Variants in ATP2B4 observed in about 807,000 individuals in gnomAD.
The protein encoded by ATP2B4 is ATPase plasma membrane Ca2+ transporting 4.
In ATP2B4, 39 loss-of-function variants were observed where a neutral mutation model predicts 110.3. The ratio of observed to expected loss-of-function variants is 0.35; its 90% CI spans 0.27 to 0.46. The LOEUF is 0.46. Among genes scored for constraint, ATP2B4 ranks in the 20% least tolerant of loss-of-function variants. ATP2B4 has a pLI of 1.00. For missense variants in ATP2B4, 1,135 were observed against 1,530.9 expected (o/e 0.74, Z 4.32); for synonymous variants, 538 against 571.7 (o/e 0.94, Z 0.84).
Position 203,676,321 on chromosome 1 carries a change from G to A in ATP2B4, c.-464-6421G>A, listed in dbSNP as rs572415478. On this transcript the variant is annotated intron_variant, in intron 1 of 20. Transcript: ENST00000357681. ...GACATGGGGAGGGGAGGAAGAACCC[G>A]GGATTGTGATGAGGATGGCTGCCAG... is the stretch of plus-strand genomic sequence containing the variant. Among the ~76,000 whole-genome samples the A allele has an allele frequency of 6.3e-4, 96 of 152,138 alleles. 1 individual carries two copies. The highest frequency in any genetic ancestry group is 7.4e-4 in the Non-Finnish European group (50 of 68,020).
chr1:203,727,406 A>C lies in ATP2B4; in HGVS notation c.3144A>C (p.Ala1048=), dbSNP rs776947100. 6.2e-7 allele frequency: 1 copy of C among 1,614,152 alleles called. No individual in the cohort carries two copies. Residue 1048 remains alanine (A), a synonymous_variant, in exon 20 of 21, where the codon GCA becomes GCC. Coordinates refer to ENST00000357681, the MANE Select transcript of ATP2B4 (RefSeq NM_001684.5). The part of the protein sequence containing the change: ...GELLWGQFIS[A]IPTRSLKFLK... Reference sequence around the variant, plus strand: ...GCGCTTGTTTTCAGTTCATCTCCGCAATACCTACCCGATCCCTGAAGTTCC... The same window carrying C: ...GCGCTTGTTTTCAGTTCATCTCCGCCATACCTACCCGATCCCTGAAGTTCC...
chr1:203,710,536 G>A (rs944139199), intron 11 of ATP2B4, among the ~76,000 whole-genome samples: 1 of 152,208 alleles, frequency 6.6e-6, no homozygotes, highest in African/African-American at 2.4e-5. Context: ...GCACCACACA[G>A]TGAGCACTAT....
intron 1 of ATP2B4, among the ~76,000 whole-genome samples, chr1:203,642,489 C>T (rs530072703): frequency 9.8e-5 from 15 of 152,288 alleles, no homozygotes; most frequent in African/African-American, 3.1e-4. Flanking sequence ...CTGACCTAAG[C>T]CATTTAGCCC....
chr1:203,634,548 A>G (rs893897188), intron 1 of ATP2B4, among the ~76,000 whole-genome samples: 7 of 152,232 alleles, frequency 4.6e-5, no homozygotes, highest in African/African-American at 7.2e-5. Flanking sequence ...GATTTAGTCT[A>G]GCGTTTAATG....
At position 203,743,044 on chromosome 1, in the gene ATP2B4, G is replaced by T. The variant is rs1387062403; in HGVS notation, c.*3190G>T. 2 of 152,684 alleles carry T rather than the reference G, an allele frequency of 1.3e-5. No homozygotes were observed. Among genetic ancestry groups the T allele is most frequent in the Non-Finnish European group, 2.9e-5 (2 of 68,060 alleles). The allele number at this position is 152,684 out of a possible 1,614,324, so 9.5% of individuals were successfully genotyped here. On this transcript the variant is annotated 3_prime_UTR_variant, in exon 21 of 21. Transcript: ENST00000357681. ...GAATGACTCTCCTGTCCCTAAAGGG[G>T]TTAAGAGAGAGATCACCTAGAAATC...
At chr1:203,719,792 T>TA (rs1243403248) in intron 15 of ATP2B4, among the ~76,000 whole-genome samples, 3 of 151,866 alleles carry the variant, frequency 2.0e-5, no homozygotes, top group Non-Finnish European at 4.4e-5. Flanking sequence ...AGATAAGTGA[T>TA]ACCATACCAT....
chr1:203,724,075 ACC>A, intron 19 of ATP2B4, 87 bp downstream of exon 19: 1 of 1,090,244 alleles, frequency 9.2e-7, no homozygotes, highest in Non-Finnish European at 1.3e-6. Context: ...AACGGTGGAG[ACC>A]CCCCAGCTCC....
rs1045539503 is a variant in ATP2B4, at chr1:203,740,579, G to A, written c.*725G>A. ...AATCCAACCAGTTTCTTTGTTAAAA[G>A]GGTCCTTTTGAAGCAATTAAGTGCT... On this transcript the variant is annotated 3_prime_UTR_variant, in exon 21 of 21. Transcript: ENST00000357681. 82 of 152,022 alleles carry A rather than the reference G, an allele frequency of 5.4e-4. No individual in the cohort carries two copies. Among genetic ancestry groups the A allele is most frequent in the Admixed American group, 5.4e-3 (82 of 15,246 alleles). 9.4% of individuals were successfully genotyped at this position (152,022 alleles called of 1,614,324 possible).
intron 1 of ATP2B4, among the ~76,000 whole-genome samples, chr1:203,656,598 A>T (rs4620599): frequency 0.95 from 144,209 of 152,304 alleles, 68,772 homozygotes; most frequent in South Asian, 1. Flanking sequence ...GGATTAATGA[A>T]TAACGAGGTA....
At chr1:203,730,999 C>T (rs892654806) in intron 20 of ATP2B4, among the ~76,000 whole-genome samples, 1 of 152,202 alleles carries the variant, frequency 6.6e-6, no homozygotes, top group Non-Finnish European at 1.5e-5. Flanking sequence ...TGTTGTCATT[C>T]TCATCGCAGT....
At chr1:203,710,308 T>A (rs1665968738) in intron 11 of ATP2B4, among the ~76,000 whole-genome samples, 1 of 151,870 alleles carries the variant, frequency 6.6e-6, no homozygotes, top group South Asian at 2.1e-4. Flanking sequence ...AGGCAGAGGT[T>A]GCAGTGAGCT....
intron 2 of ATP2B4, among the ~76,000 whole-genome samples, chr1:203,684,700 T>C (rs1000007815): frequency 3.3e-5 from 5 of 151,756 alleles, no homozygotes; most frequent in Non-Finnish European, 5.9e-5. Context: ...AAAAAGGAAA[T>C]GGGATGCTAA....
chr1:203,718,968 CA>C (rs1427844137), intron 15 of ATP2B4, among the ~76,000 whole-genome samples: 9 of 151,928 alleles, frequency 5.9e-5, no homozygotes, highest in African/African-American at 1.7e-4. Context: ...CACCCGTAAT[CA>C]ATCGCAACAC....
intron 2 of ATP2B4, 93 bp downstream of exon 2, chr1:203,683,491 A>G (rs761636628): frequency 6.6e-5 from 88 of 1,325,370 alleles, no homozygotes; most frequent in Non-Finnish European, 8.7e-5. Flanking sequence ...ACATTTCTGG[A>G]GGCCCAGCTG....
intron 1 of ATP2B4, among the ~76,000 whole-genome samples, chr1:203,635,092 A>G (rs1256498487): frequency 1.3e-5 from 2 of 152,168 alleles, no homozygotes; most frequent in Non-Finnish European, 2.9e-5. Context: ...CTCCTGCCTC[A>G]GCCTCCTGAG....
At chr1:203,665,301 G>C (rs1030202102) in intron 1 of ATP2B4, among the ~76,000 whole-genome samples, 3 of 152,178 alleles carry the variant, frequency 2.0e-5, no homozygotes, top group Non-Finnish European at 4.4e-5. Context: ...CTCTGCTCAG[G>C]GTGAGCCCTT....
In ATP2B4 at chr1:203,707,892, C is replaced by T. The variant is rs1665895680; in HGVS notation, c.1345C>T (p.His449Tyr). Reference protein sequence around the residue: ...KMMKDNNLVRHLDACETMGNA... With the variant: ...KMMKDNNLVRYLDACETMGNA... ...GATGAAAGACAATAACCTAGTACGGCACTTGGATGCTTGTGAGACCATGGG... is the reference window on the plus strand; with the variant it reads ...GATGAAAGACAATAACCTAGTACGGTACTTGGATGCTTGTGAGACCATGGG... Residue 449 changes from histidine (H) to tyrosine (Y), a missense_variant, in exon 10 of 21, where the codon CAC (histidine) becomes TAC (tyrosine). His to Tyr is a moderately conservative substitution (Grantham distance 83). Transcript: ENST00000357681. The T allele has an allele frequency of 1.2e-6, 2 of 1,614,088 alleles. No individual in the cohort carries two copies. Among genetic ancestry groups the T allele is most frequent in the African/African-American group, 2.7e-5 (2 of 74,918 alleles).
At chr1:203,661,955 C>T (rs1195227629) in intron 1 of ATP2B4, among the ~76,000 whole-genome samples, 1 of 152,120 alleles carries the variant, frequency 6.6e-6, no homozygotes, top group South Asian at 2.1e-4. Flanking sequence ...CTTCCATCTG[C>T]TCTTCTTCCT....
intron 19 of ATP2B4, among the ~76,000 whole-genome samples, chr1:203,725,767 A>G (rs1263423150): frequency 6.6e-6 from 1 of 152,036 alleles, no homozygotes; most frequent in Non-Finnish European, 1.5e-5. Context: ...CCAGCCACCC[A>G]GGTAATGGAC....
Sources: allele counts gnomAD v4.1 joint callset (sites outside exome capture counted in the v4.1 genomes callset), GRCh38; gene constraint gnomAD v4.1.1; transcripts MANE v1.5; gene names NCBI Gene and HGNC (gene_info 2026-07-23, HGNC 2026-07-21).